The following FAT1 variants were observed in gnomAD, a reference collection of about 807,000 sequenced individuals.
FAT1 encodes the protein protocadherin Fat 1.
FAT1 carries 171 observed loss-of-function variants against 329.8 expected under a neutral mutation model. The ratio of observed to expected loss-of-function variants is 0.52; its 90% CI spans 0.46 to 0.59. FAT1 has a LOEUF of 0.59. FAT1 is among the 20% of genes least tolerant of loss of function. The pLI is 0.00. For missense variants in FAT1, 5,672 were observed against 5,774.4 expected, an observed-to-expected ratio of 0.98 and a Z score of 0.57; for synonymous variants, 2,233 against 2,228.6, an observed-to-expected ratio of 1.00 and a Z score of -0.06.
At chr4:186,706,163 CAGT>C (rs1176387781) in intron 2 of FAT1, among the ~76,000 whole-genome samples, 1 of 152,154 alleles carries the variant, frequency 6.6e-6, no homozygotes, top group Non-Finnish European at 1.5e-5. Context: ...CAGATGGTAG[CAGT>C]AGTTGTTCTA....
chr4:186,633,592 C>A (rs1740688601), intron 7 of FAT1, 92 bp downstream of exon 7: 4 of 1,390,056 alleles, frequency 2.9e-6, no homozygotes, highest in Non-Finnish European at 4.0e-6. Context: ...CCTCACAGGG[C>A]AGAATCCACC....
rs767973150 is a variant in FAT1 at position 186,636,019 on chromosome 4, G to A, written c.4183+6C>T. The A allele has an allele frequency of 5.6e-6, 9 of 1,613,412 alleles. No individual in the cohort carries two copies. The African/African-American group carries it at 1.1e-4, about 19-fold the overall frequency. On this transcript the variant is annotated splice_donor_region_variant and intron_variant, in intron 6 of 26. Transcript: ENST00000441802. ...ACGGACAACGAAAATGAGGGGGAAT[G>A]CTTACCAGTGATGTCAAACCAAAGG... is the stretch of plus-strand genomic sequence containing the variant.
upstream of FAT1, among the ~76,000 whole-genome samples, chr4:186,726,194 G>T (rs1030287692): frequency 6.6e-6 from 1 of 152,200 alleles, no homozygotes; most frequent in Non-Finnish European, 1.5e-5. Context: ...TTTCATCGCC[G>T]ATCCGCACAA....
At chr4:186,604,946 C>CGGT (rs892437130) in intron 17 of FAT1, among the ~76,000 whole-genome samples, 11 of 151,428 alleles carry the variant, frequency 7.3e-5, no homozygotes, top group Non-Finnish European at 1.0e-4. Context: ...AGGCCAGGCG[C>CGGT]GGTGGCTCAC....
At chr4:186,644,794 G>T (rs1428442811) in intron 3 of FAT1, among the ~76,000 whole-genome samples, 1 of 152,216 alleles carries the variant, frequency 6.6e-6, no homozygotes, top group Non-Finnish European at 1.5e-5. Context: ...ACGTAAAAGT[G>T]AACATCAAAG....
chr4:186,651,770 C>A (rs1196327507), intron 3 of FAT1, among the ~76,000 whole-genome samples: 1 of 152,184 alleles, frequency 6.6e-6, no homozygotes, highest in African/African-American at 2.4e-5. Flanking sequence ...CAGCACCCAG[C>A]CCCTCAGAGC....
intron 7 of FAT1, 121 bp from the exon 8 acceptor site, chr4:186,628,884 A>T: frequency 1.1e-6 from 1 of 927,908 alleles, no homozygotes. Flanking sequence ...AAAATACGAG[A>T]AAGGCAACAA....
chr4:186,720,429 G>A (rs1370662661), intron 1 of FAT1, among the ~76,000 whole-genome samples: 1 of 152,070 alleles, frequency 6.6e-6, no homozygotes, highest in Non-Finnish European at 1.5e-5. Flanking sequence ...GGTACGGTGA[G>A]GTCTTCAGAA....
At chr4:186,627,021 T>C (rs1181968613) in intron 9 of FAT1, among the ~76,000 whole-genome samples, 1 of 125,338 alleles carries the variant, frequency 8.0e-6, no homozygotes, top group Non-Finnish European at 1.6e-5. Flanking sequence ...AATGAATGAA[T>C]GAATGAATGA....
chr4:186,628,076 C>G (rs1024712716), intron 9 of FAT1, 78 bp downstream of exon 9: 63 of 1,473,242 alleles, frequency 4.3e-5, no homozygotes, highest in Non-Finnish European at 5.5e-5. Context: ...CTTCAATACC[C>G]AGAACTGATT....
chr4:186,723,278 G>A (rs1208416857), intron 1 of FAT1, among the ~76,000 whole-genome samples: 1 of 152,250 alleles, frequency 6.6e-6, no homozygotes, highest in Non-Finnish European at 1.5e-5. Context: ...CGGCAGCCCC[G>A]CGCAGGCCTC....
In FAT1 at chr4:186,603,015, G is replaced by C; in HGVS notation, c.11370C>G (p.Val3790=). 1 of 1,613,940 alleles carries C rather than the reference G, an allele frequency of 6.2e-7. No homozygotes were observed. ...CLCKEGRCPP[V]HHGCEDDPCP... is the part of the protein sequence containing the mutation. ...ACGGATCATCTTCACAGCCATGGTG[G>C]ACAGGTGGGCACCTTCCCTCTTCAT... Residue 3790 remains valine (V), a synonymous_variant, in exon 20 of 27, where the codon GTC becomes GTG. Transcript: ENST00000441802.
intron 2 of FAT1, among the ~76,000 whole-genome samples, chr4:186,695,116 T>C (rs1276557795): frequency 6.6e-6 from 1 of 152,248 alleles, no homozygotes; most frequent in African/African-American, 2.4e-5. Context: ...TCATCAATAA[T>C]GATACTAACA....
In FAT1 at chr4:186,588,737, G is replaced by T; in HGVS notation, c.13622C>A (p.Ala4541Asp). The T allele has an allele frequency of 6.2e-7, 1 of 1,614,010 alleles. No homozygotes were observed. Among genetic ancestry groups the T allele is most frequent in the Admixed American group, 1.7e-5 (1 of 60,016 alleles). ...CACGTCAGAGCAGGAGGCGGTGGAG[G>T]CGTACACAGACATGGGCATGCTCTC... ...AVESMPMSVYASTASCSDVSA... is the reference protein window; with the variant it reads ...AVESMPMSVYDSTASCSDVSA... Residue 4541 changes from alanine to aspartate, a missense_variant, in exon 27 of 27, where the codon GCC becomes GAC. This residue lies in a region of FAT1 where 1,706 missense variants were observed against 1,859.1 expected (regional missense o/e 0.92). Transcript: ENST00000441802.
At chr4:186,703,304 T>C (rs571732125) in intron 2 of FAT1, among the ~76,000 whole-genome samples, 2 of 152,306 alleles carry the variant, frequency 1.3e-5, no homozygotes, top group Admixed American at 6.5e-5. Flanking sequence ...TTTTAGGTAG[T>C]CCATAGAATT....
At chr4:186,616,799 T>C (rs1233659503) in intron 11 of FAT1, among the ~76,000 whole-genome samples, 1 of 152,212 alleles carries the variant, frequency 6.6e-6, no homozygotes, top group Non-Finnish European at 1.5e-5. Flanking sequence ...AATTTAGTTT[T>C]CTAGAATGAG....
At chr4:186,604,632 T>C (rs979477216) in intron 17 of FAT1, 58 bp from the exon 18 acceptor site, 9 of 1,144,040 alleles carry the variant, frequency 7.9e-6, no homozygotes, top group Non-Finnish European at 1.1e-5. Flanking sequence ...CAAATCTATA[T>C]GGGACAGACA....
At chr4:186,719,575 C>A (rs1273389663) in intron 1 of FAT1, among the ~76,000 whole-genome samples, 1 of 152,136 alleles carries the variant, frequency 6.6e-6, no homozygotes, top group Admixed American at 6.5e-5. Context: ...ACTAACAAAT[C>A]AAACAAAAAG....
intron 3 of FAT1, among the ~76,000 whole-genome samples, chr4:186,657,762 C>A (rs1741972807): frequency 6.6e-6 from 1 of 152,168 alleles, no homozygotes; most frequent in African/African-American, 2.4e-5. Flanking sequence ...CTAAAGGACA[C>A]ACATGTCTAA....
Sources: allele counts gnomAD v4.1 joint callset (sites outside exome capture counted in the v4.1 genomes callset), GRCh38; gene constraint gnomAD v4.1.1; regional missense constraint gnomAD v4.1.1; transcripts MANE v1.5; gene names NCBI Gene and HGNC (gene_info 2026-07-23, HGNC 2026-07-21).